CASP9: variants seen among roughly 807,000 people sequenced by gnomAD.
The protein encoded by CASP9 is caspase 9.
In CASP9, 29 loss-of-function variants were observed where a neutral mutation model predicts 43.5. The observed-to-expected ratio is 0.67, with a 90% CI of 0.50 to 0.91. The LOEUF (loss-of-function observed/expected upper bound fraction) is 0.91. CASP9 is among the 40% of genes least tolerant of loss of function. The pLI is 0.00. For missense variants in CASP9, 575 were observed against 537.4 expected (o/e 1.07, Z -0.69); for synonymous variants, 206 against 211.9 (o/e 0.97, Z 0.24).
intron 1 of CASP9, among the ~76,000 whole-genome samples, chr1:15,522,507 A>G (rs1710242547): frequency 6.6e-6 from 1 of 152,156 alleles, no homozygotes; most frequent in Admixed American, 6.6e-5. Flanking sequence ...CAAGAGTTTG[A>G]GACTCATCTA....
intron 6 of CASP9, among the ~76,000 whole-genome samples, chr1:15,497,281 A>G (rs1709136746): frequency 6.7e-6 from 1 of 150,176 alleles, no homozygotes; most frequent in Admixed American, 6.7e-5. Context: ...ATTGCACTCC[A>G]GCCTGGGCAA....
At chr1:15,523,102 A>T (rs1338966429) in intron 1 of CASP9, among the ~76,000 whole-genome samples, 2 of 152,220 alleles carry the variant, frequency 1.3e-5, no homozygotes, top group Non-Finnish European at 2.9e-5. Context: ...GTCAAATGAG[A>T]CAAAGATGGG....
Position 15,524,107 on chromosome 1 carries a change from G to T in CASP9, c.94C>A (p.Arg32Ser). ...ATCATATGGGGCCTGAACAGCTCGC[G>T]GCTCAGCAGGGCGTCCCAGAGCTGG... is the stretch of plus-strand genomic sequence containing the variant. ...VDQLWDALLSRELFRPHMIED... is the reference protein window; with the variant it reads ...VDQLWDALLSSELFRPHMIED... Residue 32 changes from arginine to serine, a missense_variant, in exon 1 of 9, where the codon CGC becomes AGC. Coordinates refer to ENST00000333868, the MANE Select transcript of CASP9 (RefSeq NM_001229.5). The T allele has an allele frequency of 1.3e-6, 2 of 1,540,274 alleles. No individual in the cohort carries two copies. Among genetic ancestry groups the T allele is most frequent in the Non-Finnish European group, 8.7e-7 (1 of 1,147,856 alleles).
chr1:15,506,111 C>G (rs1709509924), intron 4 of CASP9, 32 bp from the exon 5 acceptor site: 4 of 1,449,358 alleles, frequency 2.8e-6, no homozygotes, highest in Middle Eastern at 1.7e-4. Flanking sequence ...GAGCCAGAAG[C>G]ACGGATAGGT....
intron 6 of CASP9, among the ~76,000 whole-genome samples, 178 bp from the exon 7 acceptor site, chr1:15,495,630 T>C (rs1172009734): frequency 6.6e-6 from 1 of 152,182 alleles, no homozygotes; most frequent in Non-Finnish European, 1.5e-5. Flanking sequence ...CACGCAAACC[T>C]GCCTCCCCGT....
chr1:15,516,210 A>G (rs1709941948), intron 2 of CASP9, among the ~76,000 whole-genome samples: 1 of 151,404 alleles, frequency 6.6e-6, no homozygotes, highest in Admixed American at 6.6e-5. Flanking sequence ...TTAAAAAAAA[A>G]AAAAAAAAAT....
Position 15,498,428 on chromosome 1 carries a change from C to T in CASP9, c.869-2976G>A, listed in dbSNP as rs145022574. The stretch of plus-strand genomic sequence containing the variant: ...GAAGTGGCATGATCTTAACTCGCTC[C>T]AGCCTCAAACTCCTGAGCTCAAGCA... On this transcript the variant is annotated intron_variant, in intron 6 of 8. Coordinates refer to ENST00000333868, the MANE Select transcript of CASP9 (RefSeq NM_001229.5). 3.6e-3 allele frequency among the ~76,000 whole-genome samples: 553 copies of T among 152,088 alleles called. 5 individuals are homozygous for T. Among genetic ancestry groups the T allele is most frequent in the East Asian group, 0.023 (117 of 5,186 alleles).
At chr1:15,517,017 G>A (rs1234953496) in intron 2 of CASP9, among the ~76,000 whole-genome samples, 2 of 152,170 alleles carry the variant, frequency 1.3e-5, no homozygotes, top group East Asian at 1.9e-4. Context: ...TAAGCACTCC[G>A]AACGGTGCCT....
At chr1:15,521,609 CCT>C (rs1356875432) in intron 1 of CASP9, among the ~76,000 whole-genome samples, 12 of 152,192 alleles carry the variant, frequency 7.9e-5, no homozygotes, top group South Asian at 2.1e-4. Flanking sequence ...GGAAGGGCCC[CCT>C]GTCCTATGAT....
intron 2 of CASP9, among the ~76,000 whole-genome samples, chr1:15,508,777 A>T (rs950172763): frequency 6.6e-6 from 1 of 152,226 alleles, no homozygotes; most frequent in African/African-American, 2.4e-5. Flanking sequence ...ATAGATAAGC[A>T]AGCTGGAAGC....
At chr1:15,501,634 G>A (rs1260572397) in intron 6 of CASP9, among the ~76,000 whole-genome samples, 1 of 152,232 alleles carries the variant, frequency 6.6e-6, no homozygotes, top group African/African-American at 2.4e-5. Flanking sequence ...AGCCTGCGGA[G>A]GCAAAGCAAG....
intron 6 of CASP9, among the ~76,000 whole-genome samples, chr1:15,502,993 T>C (rs554936544): frequency 2.0e-5 from 3 of 152,116 alleles, no homozygotes; most frequent in South Asian, 2.1e-4. Context: ...GGGACTCTTA[T>C]GTGACACTGG....
At chr1:15,495,197 T>C (rs1171816802) in intron 7 of CASP9, 76 bp downstream of exon 7, 12 of 1,380,560 alleles carry the variant, frequency 8.7e-6, no homozygotes, top group Admixed American at 6.9e-5. Flanking sequence ...TGGTCTTTTC[T>C]CTCACCACAC....
chr1:15,495,008 A>G (rs1336589737), intron 7 of CASP9, among the ~76,000 whole-genome samples: 1 of 152,058 alleles, frequency 6.6e-6, no homozygotes, highest in Admixed American at 6.6e-5. Context: ...TTCCCCTGCT[A>G]AAGATGCGAA....
At chr1:15,511,142 C>G (rs1709736623) in intron 2 of CASP9, among the ~76,000 whole-genome samples, 1 of 152,120 alleles carries the variant, frequency 6.6e-6, no homozygotes. Flanking sequence ...TAGGTTTGGT[C>G]CAAAGTGAAG....
intron 8 of CASP9, 146 bp downstream of exon 8, chr1:15,493,746 G>A: frequency 6.6e-7 from 1 of 1,520,104 alleles, no homozygotes; most frequent in South Asian, 1.2e-5. Context: ...ACACAAAAGT[G>A]CCGACTCCAA....
At chr1:15,494,564 CAAAAA>C (rs34522526) in intron 7 of CASP9, among the ~76,000 whole-genome samples, 1 of 97,396 alleles carries the variant, frequency 1.0e-5, no homozygotes, top group African/African-American at 4.0e-5. Flanking sequence ...GACTCCGTCT[CAAAAA>C]AAAAAAAAAA....
intron 2 of CASP9, among the ~76,000 whole-genome samples, chr1:15,515,854 G>A (rs567320202): frequency 4.5e-4 from 69 of 152,000 alleles, no homozygotes; most frequent in Non-Finnish European, 8.7e-4. Flanking sequence ...ACAGGAGTTT[G>A]AGGGCAGCCT....
At chr1:15,521,367 G>A (rs1424364018) in intron 1 of CASP9, among the ~76,000 whole-genome samples, 6 of 151,946 alleles carry the variant, frequency 3.9e-5, no homozygotes, top group Admixed American at 3.9e-4. Context: ...TATTATCCAT[G>A]CCTGCCCGCA....
Sources: gnomAD v4.1 joint callset for allele counts (sites outside exome capture counted in the v4.1 genomes callset) on GRCh38, gnomAD v4.1.1 for gene constraint, MANE v1.5 for transcripts, NCBI Gene and HGNC (gene_info 2026-07-23, HGNC 2026-07-21) for gene names.